Variants in SZT2 observed in about 807,000 individuals in gnomAD.
The protein encoded by SZT2 is KICSTOR complex protein SZT2.
Under a neutral mutation model 404.2 loss-of-function variants are expected in SZT2, and 216 were observed. The ratio of observed to expected loss-of-function variants is 0.53; its 90% CI spans 0.48 to 0.60. The LOEUF is 0.60. SZT2 is among the 20% of genes least tolerant of loss of function. The probability of loss-of-function intolerance (pLI) is 0.00; values close to 1 mark genes in which losing one functional copy is unlikely to be tolerated. For synonymous variants in SZT2, 1,693 were observed against 1,749.9 expected, an observed-to-expected ratio of 0.97 and a Z score of 0.81; for missense variants, 3,857 against 4,459.2, an observed-to-expected ratio of 0.86 and a Z score of 3.85.
rs1156557940 is a variant in SZT2, at chr1:43,431,016, G to A, written c.4842G>A (p.Val1614=). ...GGRVPLRDLS[V]TLDVFMLTLP... ...GAGTTCCCTTGAGGGACCTCAGTGT[G>A]ACTCTGGATGTCTTCATGCTGACTT... Residue 1614 remains valine, a synonymous_variant, in exon 33 of 72, where the codon GTG becomes GTA. Transcript: ENST00000634258. The A allele has an allele frequency of 1.2e-6, 2 of 1,614,194 alleles. No homozygotes were observed. Among genetic ancestry groups the A allele is most frequent in the Non-Finnish European group, 1.7e-6 (2 of 1,180,040 alleles).
At chr1:43,413,783 C>T (rs963934908) in intron 4 of SZT2, among the ~76,000 whole-genome samples, 28 of 151,822 alleles carry the variant, frequency 1.8e-4, no homozygotes, top group African/African-American at 5.6e-4. Flanking sequence ...GAGAGTGGAA[C>T]GATGGTTACC....
Position 43,420,847 on chromosome 1 carries a change from C to T in SZT2, c.1360C>T (p.Pro454Ser), listed in dbSNP as rs1652268286. The T allele has an allele frequency of 6.3e-7, 1 of 1,598,378 alleles. No individual in the cohort carries two copies. The highest frequency in any genetic ancestry group is 1.1e-5 in the South Asian group (1 of 91,082). The part of the protein sequence containing the change: ...MAPWPLEPEG[P>S]RVTRVEVTME... ...ACCCTGGCCCCTGGAGCCTGAGGGC[C>T]CTCGAGTAACACGGGTGGAAGTGAC... The change falls in exon 10 of 72, where the codon CCT becomes TCT. Residue 454 changes from proline to serine, a missense_variant. Physicochemically the swap from Pro to Ser is moderately conservative, Grantham distance 74. Transcript: ENST00000634258. This position sits in a 1 kb window ranked among gnomAD's most constrained non-coding sequence, Gnocchi z 5.1.
chr1:43,452,246 A>C lies in SZT2; in HGVS notation c.*1766A>C, dbSNP rs1416342192. ...GCTGCATGCCTCAGGTTCTCCAGAA[A>C]AACGGCCTCCATCTCAGCCTTGACT... is the stretch of plus-strand genomic sequence containing the variant. On this transcript the variant is annotated 3_prime_UTR_variant, in exon 72 of 72. Transcript: ENST00000634258. 1 of 1,613,934 alleles carries C rather than the reference A, an allele frequency of 6.2e-7. No individual in the cohort carries two copies. Among genetic ancestry groups the C allele is most frequent in the Non-Finnish European group, 8.5e-7 (1 of 1,179,978 alleles).
chr1:43,440,182 ACAG>A, intron 51 of SZT2, 134 bp downstream of exon 51: 1 of 1,311,490 alleles, frequency 7.6e-7, no homozygotes, highest in Non-Finnish European at 1.0e-6. Flanking sequence ...CCACTTATTC[ACAG>A]TTGTCCGTGA....
At chr1:43,409,180 A>G (rs1650707869) in intron 4 of SZT2, among the ~76,000 whole-genome samples, 2 of 152,246 alleles carry the variant, frequency 1.3e-5, no homozygotes, top group Admixed American at 6.5e-5. Context: ...ACCTTGAAGG[A>G]AGAACAAAGA....
chr1:43,407,866 T>C (rs1470261743), intron 4 of SZT2, among the ~76,000 whole-genome samples: 4 of 139,736 alleles, frequency 2.9e-5, no homozygotes, highest in Non-Finnish European at 6.1e-5. Flanking sequence ...AGAATCTTGC[T>C]CTGTTACCCA....
chr1:43,434,363 G>A, intron 40 of SZT2, 23 bp from the exon 41 acceptor site: 1 of 1,574,138 alleles, frequency 6.4e-7, no homozygotes, highest in Non-Finnish European at 8.6e-7. Context: ...TGCAGTTCTG[G>A]TCAGATTATC....
intron 1 of SZT2, among the ~76,000 whole-genome samples, chr1:43,400,914 C>T (rs2153929225): frequency 6.6e-6 from 1 of 151,934 alleles, no homozygotes; most frequent in South Asian, 2.1e-4. Context: ...TAATAGTTAA[C>T]TGTAATAAAT....
rs756903091 is a variant in SZT2 at position 43,389,941 on chromosome 1, G to A, written c.-28G>A. On this transcript the variant is annotated 5_prime_UTR_variant, in exon 1 of 72. Transcript: ENST00000634258. ...GGTCAAGAGTGGAACACCCTCACTGGCCCGGGCCGGCGCGGGAGGGCTGTG... is the reference window on the plus strand; with the variant it reads ...GGTCAAGAGTGGAACACCCTCACTGACCCGGGCCGGCGCGGGAGGGCTGTG... 3 of 1,471,196 alleles carry A rather than the reference G, an allele frequency of 2.0e-6. No individual in the cohort carries two copies. Among genetic ancestry groups the A allele is most frequent in the South Asian group, 1.3e-5 (1 of 75,666 alleles). The allele number at this position is 1,471,196 out of a possible 1,614,324, so 91.1% of individuals were successfully genotyped here.
intron 65 of SZT2, 94 bp downstream of exon 65, chr1:43,446,510 A>G: frequency 6.7e-7 from 1 of 1,486,668 alleles, no homozygotes; most frequent in East Asian, 2.3e-5. Flanking sequence ...AGAGTAATGC[A>G]GTAGGCGGGC....
chr1:43,432,242 T>C (rs1364071950), intron 36 of SZT2, 30 bp from the exon 37 acceptor site: 1 of 1,526,292 alleles, frequency 6.6e-7, no homozygotes, highest in African/African-American at 1.4e-5. Flanking sequence ...CTGCCCTGCC[T>C]AAACTGTGAT....
At chr1:43,413,244 G>A (rs942507576) in intron 4 of SZT2, among the ~76,000 whole-genome samples, 2 of 152,162 alleles carry the variant, frequency 1.3e-5, no homozygotes, top group East Asian at 1.9e-4. Context: ...TTAGCTGAGC[G>A]TGATGGCAGA....
rs1652568488 is a variant in SZT2 at position 43,422,827 on chromosome 1, T to C, written c.1981T>C (p.Cys661Arg). 3 of 1,594,316 alleles carry C rather than the reference T, an allele frequency of 1.9e-6. No individual in the cohort carries two copies. Among genetic ancestry groups the C allele is most frequent in the Non-Finnish European group, 2.5e-6 (3 of 1,178,094 alleles). The change falls in exon 14 of 72, where the codon TGC becomes CGC. Residue 661 changes from cysteine (C) to arginine (R), a missense_variant. Transcript: ENST00000634258. ...GGTCCGTATCATTTCCAAGGCCCCATGCATGGTTCTTCGCCTGGGTTTTCC... is the reference window on the plus strand; with the variant it reads ...GGTCCGTATCATTTCCAAGGCCCCACGCATGGTTCTTCGCCTGGGTTTTCC... Reference protein sequence around the residue: ...YMVRIISKAPCMVLRLGFPIG... With the variant: ...YMVRIISKAPRMVLRLGFPIG...
In SZT2 at chr1:43,432,999, T is replaced by A; in HGVS notation, c.5613T>A (p.Gly1871=). The A allele has an allele frequency of 6.2e-7, 1 of 1,614,014 alleles. No homozygotes were observed. Reference sequence around the variant, plus strand: ...ATGCATCTGACACAGGTTATGATGGTGGCAGCAGTGGCTCAGACAGTGAGG... The same window carrying A: ...ATGCATCTGACACAGGTTATGATGGAGGCAGCAGTGGCTCAGACAGTGAGG... The part of the protein sequence containing the change: ...SVDSDHLGYD[G]GSSGSDSEGP... The change falls in exon 40 of 72, where the codon GGT becomes GGA. Residue 1871 remains glycine (G), a synonymous_variant. Coordinates refer to ENST00000634258, the MANE Select transcript of SZT2 (RefSeq NM_001365999.1).
rs762498837 is a variant in SZT2 at position 43,453,413 on chromosome 1, C to T, written c.*2933C>T. 3.2e-6 allele frequency: 5 copies of T among 1,558,064 alleles called. No individual in the cohort carries two copies. The South Asian group carries it at 3.5e-5, about 11-fold the overall frequency. On this transcript the variant is annotated 3_prime_UTR_variant, in exon 72 of 72. Transcript: ENST00000634258. ...GGGACAGCCCAGGGCTTTGGCATAC[C>T]GCACGGCCTGCTCCAGTCCCTCTCG...
Position 43,421,280 on chromosome 1 carries a change from A to G in SZT2, c.1603A>G (p.Ile535Val), listed in dbSNP as rs1652327239. The change falls in exon 11 of 72, where the codon ATC (isoleucine) becomes GTC (valine). Residue 535 changes from isoleucine to valine, a missense_variant. Coordinates refer to ENST00000634258, the MANE Select transcript of SZT2 (RefSeq NM_001365999.1). The stretch of plus-strand genomic sequence containing the variant: ...CAAGAGCGGAGTGCCACTCTTCTAC[A>G]TCCCTCCAGGCTCCACCACCCCGGT... ...STKSGVPLFY[I>V]PPGSTTPVLS... The G allele has an allele frequency of 1.3e-6, 2 of 1,598,430 alleles. No individual in the cohort carries two copies. The highest frequency in any genetic ancestry group is 1.7e-5 in the Admixed American group (1 of 60,004).
At chr1:43,446,118 C>A (rs373867873) in intron 63 of SZT2, 61 bp from the exon 64 acceptor site, 3 of 1,601,594 alleles carry the variant, frequency 1.9e-6, no homozygotes, top group Non-Finnish European at 1.7e-6. Context: ...CAAGGGACTT[C>A]CACCCTACTG....
chr1:43,433,216 C>T (rs528939678), intron 40 of SZT2, 26 bp downstream of exon 40: 7 of 1,608,674 alleles, frequency 4.4e-6, no homozygotes, highest in South Asian at 2.2e-5. Flanking sequence ...GGCCTGCACC[C>T]TCATGCTCCC....
chr1:43,424,708 A>T lies in SZT2; in HGVS notation c.2472-76A>T, dbSNP rs1461229383. The T allele has an allele frequency of 1.6e-6, 2 of 1,288,296 alleles. No individual in the cohort carries two copies. Among genetic ancestry groups the T allele is most frequent in the Non-Finnish European group, 2.2e-6 (2 of 893,770 alleles). 79.8% of individuals were successfully genotyped at this position (1,288,296 alleles called of 1,614,324 possible). On this transcript the variant is annotated intron_variant, in intron 16 of 71. Transcript: ENST00000634258. The surrounding 1 kb of genome is among the most constrained non-coding windows in gnomAD (Gnocchi z 4.1). Reference sequence around the variant, plus strand: ...TTGAGGACTGCTGGGAGGTGGGTGTATGTGGGGAGAGCTTGTAGTCTCAGT... The same window carrying T: ...TTGAGGACTGCTGGGAGGTGGGTGTTTGTGGGGAGAGCTTGTAGTCTCAGT...
Sources: allele counts gnomAD v4.1 joint callset (sites outside exome capture counted in the v4.1 genomes callset), GRCh38; gene constraint gnomAD v4.1.1; non-coding constraint Gnocchi (gnomAD v3.1); transcripts MANE v1.5; gene names NCBI Gene and HGNC (gene_info 2026-07-23, HGNC 2026-07-21).